The following PCDHGA6 variants were observed in gnomAD, a reference collection of about 807,000 sequenced individuals.
The protein encoded by PCDHGA6 is protocadherin gamma-A6.
Under a neutral mutation model 60.6 loss-of-function variants are expected in PCDHGA6, and 41 were observed. The ratio of observed to expected loss-of-function variants is 0.68; its 90% CI spans 0.53 to 0.88. The LOEUF (loss-of-function observed/expected upper bound fraction) is 0.88, where lower values mean the gene tolerates loss of function less well. Among genes scored for constraint, PCDHGA6 ranks in the 40% least tolerant of loss-of-function variants. The probability of loss-of-function intolerance (pLI) is 0.00; values close to 1 mark genes in which losing one functional copy is unlikely to be tolerated. For missense variants in PCDHGA6, 1,312 were observed against 1,203.0 expected (o/e 1.09, Z -1.34); for synonymous variants, 594 against 524.4 (o/e 1.13, Z -1.81).
Position 141,465,218 on chromosome 5 carries a change from A to G in PCDHGA6, c.2425-29589A>G, listed in dbSNP as rs151158068. ...ATAAAAATATAAGCTTTATTTTTCA[A>G]CATGAGCTCCATCAAGTTCAAGGCA... On this transcript the variant is annotated intron_variant, in intron 1 of 3. Coordinates refer to ENST00000517434, the MANE Select transcript of PCDHGA6 (RefSeq NM_018919.3). Among the ~76,000 whole-genome samples, 591 of 152,288 alleles carry G rather than the reference A, an allele frequency of 3.9e-3. 6 individuals carry two copies. The highest frequency in any genetic ancestry group is 0.011 in the Admixed American group (171 of 15,290).
chr5:141,410,054 A>C, intron 1 of PCDHGA6: 1 of 1,613,064 alleles, frequency 6.2e-7, no homozygotes. Context: ...CGGACTCTTC[A>C]GCCTGGGGCT....
chr5:141,407,959 G>T, intron 1 of PCDHGA6: 1 of 668,062 alleles, frequency 1.5e-6, no homozygotes, highest in South Asian at 2.3e-5. Flanking sequence ...CCAGTGCAGA[G>T]CAAGCGCTGA....
intron 2 of PCDHGA6, 102 bp from the exon 3 acceptor site, chr5:141,505,291 G>A (rs2154593677): frequency 1.3e-6 from 2 of 1,565,092 alleles, no homozygotes; most frequent in Non-Finnish European, 1.7e-6. Context: ...TGGGCATGGG[G>A]TAGGGTTAGG....
At chr5:141,482,956 CCAGCTACTTGAG>C (rs6149271) in intron 1 of PCDHGA6, among the ~76,000 whole-genome samples, 62,216 of 151,640 alleles carry the variant, frequency 0.41, 15,336 homozygotes, top group African/African-American at 0.7. Context: ...GCCTGTAATT[CCAGCTACTTGAG>C]CAGCTACTTG....
In PCDHGA6 at chr5:141,432,249, A is replaced by G; in HGVS notation, c.2424+55742A>G. The G allele has an allele frequency of 6.2e-7, 1 of 1,614,206 alleles. No individual in the cohort carries two copies. Among genetic ancestry groups the G allele is most frequent in the Non-Finnish European group, 8.5e-7 (1 of 1,180,044 alleles). On this transcript the variant is annotated intron_variant, in intron 1 of 3. Coordinates refer to ENST00000517434, the MANE Select transcript of PCDHGA6 (RefSeq NM_018919.3). The surrounding 1 kb of genome is among the most constrained non-coding windows in gnomAD (Gnocchi z 6.0). ...TATTCCCTGGCTGAGAACACCATCC[A>G]AGGGGCAAGCCTATCGTCCTACGTG...
rs2094361083 is a variant in PCDHGA6 at position 141,403,148 on chromosome 5, A to T, written c.2424+26641A>T. The T allele has an allele frequency of 2.5e-6, 4 of 1,614,050 alleles. No homozygotes were observed. The South Asian group carries it at 4.4e-5, about 18-fold the overall frequency. On this transcript the variant is annotated intron_variant, in intron 1 of 3. Coordinates refer to ENST00000517434, the MANE Select transcript of PCDHGA6 (RefSeq NM_018919.3). ...GGAGCTGGCGGAGCGCCGAGTCCGC[A>T]TCGTCTCTAGAGGTAGGACGCAGCT...
intron 1 of PCDHGA6, among the ~76,000 whole-genome samples, chr5:141,461,917 G>A (rs527287831): frequency 6.6e-6 from 1 of 152,098 alleles, no homozygotes; most frequent in South Asian, 2.1e-4. Flanking sequence ...TCTGCCTCCT[G>A]GGTTCCAGCA....
intron 1 of PCDHGA6, chr5:141,415,513 G>A: frequency 6.2e-7 from 1 of 1,614,214 alleles, no homozygotes; most frequent in East Asian, 2.2e-5. Context: ...GCCCAATTAT[G>A]CGGACACGCT....
In PCDHGA6 at chr5:141,374,390, C is replaced by T; in HGVS notation, c.307C>T (p.Leu103=). 1.2e-6 allele frequency: 2 copies of T among 1,614,024 alleles called. No homozygotes were observed. The highest frequency in any genetic ancestry group is 1.7e-6 in the Non-Finnish European group (2 of 1,179,908). ...EELCAQSPRC[L]VSFNILVEDK... is the part of the protein sequence containing the mutation. ...GCTCTGTGCTCAGAGCCCGCGGTGTCTGGTGAGTTTTAACATCCTTGTCGA... is the reference window on the plus strand; with the variant it reads ...GCTCTGTGCTCAGAGCCCGCGGTGTTTGGTGAGTTTTAACATCCTTGTCGA... The change falls in exon 1 of 4, where the codon CTG becomes TTG. Residue 103 remains leucine, a synonymous_variant. Coordinates refer to ENST00000517434, the MANE Select transcript of PCDHGA6 (RefSeq NM_018919.3).
intron 1 of PCDHGA6, among the ~76,000 whole-genome samples, chr5:141,397,685 G>A (rs1471845356): frequency 6.6e-6 from 1 of 152,218 alleles, no homozygotes; most frequent in Non-Finnish European, 1.5e-5. Flanking sequence ...ATGCAGGTTT[G>A]TATAAAAACC....
intron 1 of PCDHGA6, among the ~76,000 whole-genome samples, chr5:141,445,720 G>T (rs2098475440): frequency 6.6e-6 from 1 of 152,158 alleles, no homozygotes; most frequent in Non-Finnish European, 1.5e-5. Flanking sequence ...AGAGGAAATA[G>T]CATGTGTAAA....
intron 1 of PCDHGA6, chr5:141,426,414 G>A (rs2096934345): frequency 3.5e-6 from 1 of 287,986 alleles, no homozygotes; most frequent in Admixed American, 4.4e-5. Context: ...AAACGGTCCA[G>A]GGCTCCGTGG....
At chr5:141,422,330 CTCT>C in intron 1 of PCDHGA6, 1 of 1,548,166 alleles carries the variant, frequency 6.5e-7, no homozygotes, top group East Asian at 2.2e-5. Context: ...ACAGTGATTG[CTCT>C]TCTAAATGTG....
intron 1 of PCDHGA6, chr5:141,408,126 C>T: frequency 1.5e-5 from 22 of 1,479,600 alleles, no homozygotes; most frequent in Non-Finnish European, 1.6e-5. Flanking sequence ...TGTCCTGGGC[C>T]GAATGCTCTT....
rs1024686607 is a variant in PCDHGA6, at chr5:141,487,597, T to C, written c.2425-7210T>C. 6.2e-7 allele frequency: 1 copy of C among 1,614,178 alleles called. No homozygotes were observed. The highest frequency in any genetic ancestry group is 8.5e-7 in the Non-Finnish European group (1 of 1,180,040). ...TTCGCCCAAGCTGCCCACCCTCTGA[T>C]CTTCTCTATGGGCTAGAGGTGAGAC... On this transcript the variant is annotated intron_variant, in intron 1 of 3. Coordinates refer to ENST00000517434, the MANE Select transcript of PCDHGA6 (RefSeq NM_018919.3). The surrounding 1 kb of genome is among the most constrained non-coding windows in gnomAD (Gnocchi z 5.0).
chr5:141,464,970 G>A (rs550643230), intron 1 of PCDHGA6, among the ~76,000 whole-genome samples: 1 of 152,028 alleles, frequency 6.6e-6, no homozygotes, highest in East Asian at 1.9e-4. Flanking sequence ...TTGAACTACT[G>A]GCTTCAAGTG....
At chr5:141,385,430 A>G (rs1781192913) in intron 1 of PCDHGA6, 1 of 1,458,668 alleles carries the variant, frequency 6.9e-7, no homozygotes. Context: ...AAAACTTTAT[A>G]GAGGTAAAAA....
In PCDHGA6 at chr5:141,491,928, G is replaced by T; in HGVS notation, c.2425-2879G>T. 1 of 1,301,482 alleles carries T rather than the reference G, an allele frequency of 7.7e-7. No homozygotes were observed. Among genetic ancestry groups the T allele is most frequent in the South Asian group, 1.6e-5 (1 of 63,466 alleles). 80.6% of individuals were successfully genotyped at this position (1,301,482 alleles called of 1,614,324 possible). A position where few individuals can be genotyped will look rare whatever the true frequency, so the allele number is the denominator to read the frequency against. On this transcript the variant is annotated intron_variant, in intron 1 of 3. Coordinates refer to ENST00000517434, the MANE Select transcript of PCDHGA6 (RefSeq NM_018919.3). The surrounding 1 kb of genome is among the most constrained non-coding windows in gnomAD (Gnocchi z 6.9). ...TGGTGGCGACTGTGGGCGAGGGGAG[G>T]TGGGACCGACCCCCACCCCTACACT... is the stretch of plus-strand genomic sequence containing the variant.
At position 141,376,223 on chromosome 5, in the gene PCDHGA6, C is replaced by T. The variant is rs1772425823; in HGVS notation, c.2140C>T (p.Leu714Phe). The T allele has an allele frequency of 6.2e-7, 1 of 1,614,084 alleles. No homozygotes were observed. Among genetic ancestry groups the T allele is most frequent in the Non-Finnish European group, 8.5e-7 (1 of 1,180,046 alleles). Residue 714 changes from leucine (L) to phenylalanine (F), a missense_variant, in exon 1 of 4, where the codon CTC becomes TTC. Physicochemically the swap from Leu to Phe is conservative, Grantham distance 22. Transcript: ENST00000517434. The stretch of plus-strand genomic sequence containing the variant: ...GGCCTTCGTCATCGTGCTGCTGGCG[C>T]TCAGACTGCAGCGCTGGCACAAGTC... ...FLAFVIVLLA[L>F]RLQRWHKSRL...
Sources: gnomAD v4.1 joint callset for allele counts (sites outside exome capture counted in the v4.1 genomes callset) on GRCh38, gnomAD v4.1.1 for gene constraint, Gnocchi (gnomAD v3.1) non-coding constraint, MANE v1.5 for transcripts, NCBI Gene and HGNC (gene_info 2026-07-23, HGNC 2026-07-21) for gene names.